Variants in MAIP1 observed in about 807,000 individuals in gnomAD.
MAIP1 encodes matrix AAA peptidase interacting protein 1.
In MAIP1, 28 loss-of-function variants were observed where a neutral mutation model predicts 31.2. The observed-to-expected ratio is 0.90, with a 90% CI of 0.67 to 1.23. MAIP1 has a LOEUF of 1.23. Among genes scored for constraint, MAIP1 ranks in the 50% most tolerant of loss-of-function variants. The probability of loss-of-function intolerance (pLI) is 0.00; values close to 1 mark genes in which losing one functional copy is unlikely to be tolerated. For synonymous variants in MAIP1, 142 were observed against 142.3 expected (o/e 1.00, Z 0.02); for missense variants, 339 against 356.0 (o/e 0.95, Z 0.38).
chr2:199,963,178 T>C (rs2077645265), intron 4 of MAIP1, among the ~76,000 whole-genome samples: 1 of 152,224 alleles, frequency 6.6e-6, no homozygotes, highest in Non-Finnish European at 1.5e-5. Flanking sequence ...CTGTCGTCAA[T>C]ACTAAACTTT....
Position 199,962,363 on chromosome 2 carries a change from A to G in MAIP1, c.797+435A>G, listed in dbSNP as rs76708904. On this transcript the variant is annotated intron_variant, in intron 4 of 4. Transcript: ENST00000392290. ...CACCTTGGTACTCCTTGGCTTCTGCATGACTCTGTATTCTCCAGGGCCACT... is the reference window on the plus strand; with the variant it reads ...CACCTTGGTACTCCTTGGCTTCTGCGTGACTCTGTATTCTCCAGGGCCACT... Among the ~76,000 whole-genome samples the G allele has an allele frequency of 1.1e-3, 173 of 152,280 alleles. 3 individuals carry two copies. In the East Asian group the frequency reaches 0.031, roughly 27 times the overall value.
At chr2:199,957,218 G>A (rs1190617273) in intron 1 of MAIP1, among the ~76,000 whole-genome samples, 1 of 152,098 alleles carries the variant, frequency 6.6e-6, no homozygotes, top group Non-Finnish European at 1.5e-5. Flanking sequence ...GGCCAATATG[G>A]TGAAACAGTG....
chr2:199,957,036 A>G (rs1193450923), intron 1 of MAIP1, among the ~76,000 whole-genome samples: 1 of 112,116 alleles, frequency 8.9e-6, no homozygotes, highest in Admixed American at 1.2e-4. Context: ...TTGTGGGTAC[A>G]TGCTTTTTTT....
Position 199,963,784 on chromosome 2 carries a change from G to A in MAIP1, c.849G>A (p.Arg283=). The change falls in exon 5 of 5, where the codon CGG becomes CGA. Residue 283 remains arginine, a synonymous_variant. Transcript: ENST00000392290. ...TAAAGCCTGACTGGACCATTGCACG[G>A]ATTGAACACTCAAAATTATTAGAAT... is the stretch of plus-strand genomic sequence containing the variant. ...QGVKPDWTIA[R]IEHSKLLE is the part of the protein sequence containing the mutation. The A allele has an allele frequency of 6.2e-7, 1 of 1,608,138 alleles. No individual in the cohort carries two copies. Among genetic ancestry groups the A allele is most frequent in the Non-Finnish European group, 8.5e-7 (1 of 1,175,316 alleles).
At chr2:199,959,382 C>A in intron 2 of MAIP1, 43 bp downstream of exon 2, 3 of 1,046,686 alleles carry the variant, frequency 2.9e-6, no homozygotes, top group Admixed American at 1.7e-5. Context: ...AAATGCTATT[C>A]TCTTGCAATA....
intron 3 of MAIP1, among the ~76,000 whole-genome samples, chr2:199,961,202 C>T (rs1241671690): frequency 1.3e-5 from 2 of 152,142 alleles, no homozygotes; most frequent in East Asian, 3.8e-4. Context: ...GTGGCTCACA[C>T]TTGTAATCCT....
At chr2:199,959,910 G>T (rs1380808069) in intron 3 of MAIP1, 30 bp downstream of exon 3, 1 of 1,600,468 alleles carries the variant, frequency 6.2e-7, no homozygotes, top group South Asian at 1.1e-5. Context: ...AACTTGAAAT[G>T]ATCCATAATT....
At position 199,959,354 on chromosome 2, in the gene MAIP1, A is replaced by G; in HGVS notation, c.522+15A>G. 7.0e-7 allele frequency: 1 copy of G among 1,420,548 alleles called. No individual in the cohort carries two copies. The highest frequency in any genetic ancestry group is 9.9e-7 in the Non-Finnish European group (1 of 1,006,072). 88.0% of individuals were successfully genotyped at this position (1,420,548 alleles called of 1,614,324 possible). ...TGGCCAAAGAGGTAAAGTATATTTT[A>G]CATTTTGCTTTAAAAATAAATGCTA... On this transcript the variant is annotated intron_variant, in intron 2 of 4. Coordinates refer to ENST00000392290, the MANE Select transcript of MAIP1 (RefSeq NM_001394955.1).
intron 1 of MAIP1, among the ~76,000 whole-genome samples, chr2:199,958,350 A>G (rs941660774): frequency 2.0e-5 from 3 of 152,142 alleles, no homozygotes; most frequent in Admixed American, 6.5e-5. Flanking sequence ...ATCTCCAAAT[A>G]TAGTCACATT....
At chr2:199,956,409 C>T (rs189409867) in intron 1 of MAIP1, among the ~76,000 whole-genome samples, 161 bp downstream of exon 1, 2 of 152,258 alleles carry the variant, frequency 1.3e-5, no homozygotes, top group Non-Finnish European at 2.9e-5. Flanking sequence ...TTAAAGTAAG[C>T]TTCTGGGCCG....
intron 2 of MAIP1, 60 bp downstream of exon 2, chr2:199,959,399 T>C: frequency 1.1e-6 from 1 of 944,230 alleles, no homozygotes; most frequent in Non-Finnish European, 1.7e-6. Flanking sequence ...AATAGAATGA[T>C]GCACATTTTC....
chr2:199,960,507 A>C (rs1392572238), intron 3 of MAIP1, among the ~76,000 whole-genome samples: 1 of 152,186 alleles, frequency 6.6e-6, no homozygotes, highest in Non-Finnish European at 1.5e-5. Flanking sequence ...AATCTAGGGT[A>C]AAAAATATTA....
At chr2:199,963,635 CCAAAAATT>C in intron 4 of MAIP1, 90 bp from the exon 5 acceptor site, 1 of 685,610 alleles carries the variant, frequency 1.5e-6, no homozygotes, top group Non-Finnish European at 2.4e-6. Context: ...TATCTTGTTG[CCAAAAATT>C]CTTCTAAATA....
chr2:199,958,601 ATTC>A (rs2077620521), intron 1 of MAIP1, among the ~76,000 whole-genome samples: 1 of 152,176 alleles, frequency 6.6e-6, no homozygotes, highest in African/African-American at 2.4e-5. Context: ...CCCTGTCAAA[ATTC>A]TTCAACTTGT....
Position 199,961,890 on chromosome 2 carries a change from G to GA in MAIP1, c.761dup (p.Asn254LysfsTer5). ...TATTCCAGGTTAAGTTGGGGAATCA[G>GA]AATGTGGAAACTAAACAACTTCTTA... On this transcript the variant is annotated frameshift_variant, in exon 4 of 5. Coordinates refer to ENST00000392290, the MANE Select transcript of MAIP1 (RefSeq NM_001394955.1). LOFTEE classifies it high-confidence loss of function. 1 of 1,613,860 alleles carries GA rather than the reference G, an allele frequency of 6.2e-7. No homozygotes were observed. The highest frequency in any genetic ancestry group is 8.5e-7 in the Non-Finnish European group (1 of 1,179,906).
At position 199,956,060 on chromosome 2, in the gene MAIP1, T is replaced by C; in HGVS notation, c.262T>C (p.Phe88Leu). ...GGGACTCCCCGCAGCCTTCGCTTCTTTCCCTGCCTGCCCTCAGCGCAGCTA... is the reference window on the plus strand; with the variant it reads ...GGGACTCCCCGCAGCCTTCGCTTCTCTCCCTGCCTGCCCTCAGCGCAGCTA... ...SPGLPAAFAS[F>L]PACPQRSYST... The change falls in exon 1 of 5, where the codon TTC (phenylalanine) becomes CTC (leucine). Residue 88 changes from phenylalanine to leucine, a missense_variant. Phe to Leu is a conservative substitution (Grantham distance 22). Transcript: ENST00000392290. 6.2e-7 allele frequency: 1 copy of C among 1,612,842 alleles called. No homozygotes were observed. The highest frequency in any genetic ancestry group is 2.2e-5 in the East Asian group (1 of 44,840).
At position 199,961,980 on chromosome 2, in the gene MAIP1, T is replaced by C. The variant is rs763635031; in HGVS notation, c.797+52T>C. ...CCTTTCTTCAGAAAATGGAAGGTAG[T>C]GTGAAGGTATGAAAACTAAGAGATC... On this transcript the variant is annotated intron_variant, in intron 4 of 4. Coordinates refer to ENST00000392290, the MANE Select transcript of MAIP1 (RefSeq NM_001394955.1). 13 of 1,473,388 alleles carry C rather than the reference T, an allele frequency of 8.8e-6. No individual in the cohort carries two copies. The East Asian group carries it at 2.3e-4, about 26-fold the overall frequency. The allele number at this position is 1,473,388 out of a possible 1,614,324, so 91.3% of individuals were successfully genotyped here.
chr2:199,961,101 A>G (rs1466906710), intron 3 of MAIP1, among the ~76,000 whole-genome samples: 1 of 152,150 alleles, frequency 6.6e-6, no homozygotes, highest in Admixed American at 6.5e-5. Flanking sequence ...ACTGAGCAGC[A>G]AAAAATATTT....
chr2:199,956,254 T>C lies in MAIP1; in HGVS notation c.450+6T>C, dbSNP rs1332410015. On this transcript the variant is annotated splice_donor_region_variant and intron_variant, in intron 1 of 4. Coordinates refer to ENST00000392290, the MANE Select transcript of MAIP1 (RefSeq NM_001394955.1). ...TCTCCGAGGGAGCGAAGCAGGTTTG[T>C]TTATTTCCCTGATTGACCTATCCGT... 1.2e-6 allele frequency: 2 copies of C among 1,601,324 alleles called. No individual in the cohort carries two copies. The highest frequency in any genetic ancestry group is 1.7e-6 in the Non-Finnish European group (2 of 1,172,172).
Sources: gnomAD v4.1 joint callset for allele counts (sites outside exome capture counted in the v4.1 genomes callset) on GRCh38, gnomAD v4.1.1 for gene constraint, MANE v1.5 for transcripts, NCBI Gene and HGNC (gene_info 2026-07-23, HGNC 2026-07-21) for gene names.